SEMA3E: variants seen among roughly 807,000 people sequenced by gnomAD.
The protein encoded by SEMA3E is semaphorin 3E.
Under a neutral mutation model 93.6 loss-of-function variants are expected in SEMA3E, and 49 were observed. The observed-to-expected ratio is 0.52, with a 90% confidence interval of 0.42 to 0.66. The LOEUF (loss-of-function observed/expected upper bound fraction) is 0.66. Among genes scored for constraint, SEMA3E ranks in the 30% least tolerant of loss-of-function variants. SEMA3E has a pLI of 0.00. For synonymous variants in SEMA3E, 363 were observed against 330.7 expected, an observed-to-expected ratio of 1.10 and a Z score of -1.06; for missense variants, 906 against 964.8, an observed-to-expected ratio of 0.94 and a Z score of 0.81.
At chr7:83,546,003 T>C (rs1406152192) in intron 1 of SEMA3E, among the ~76,000 whole-genome samples, 1 of 146,914 alleles carries the variant, frequency 6.8e-6, no homozygotes, top group Non-Finnish European at 1.5e-5. Flanking sequence ...GGGCATATTA[T>C]ATAAAAATAT....
In SEMA3E at chr7:83,543,272, C is replaced by T. The variant is rs1054495275; in HGVS notation, c.116-52998G>A. On this transcript the variant is annotated intron_variant, in intron 1 of 16. Transcript: ENST00000643230. ...AAAGAAAATAAAAGCTCACAAACTT[C>T]AGTCTTAAGGCAGTTAATTGCCATG... Among the ~76,000 whole-genome samples the T allele has an allele frequency of 1.3e-5, 2 of 152,008 alleles. 1 individual carries two copies. The highest frequency in any genetic ancestry group is 1.3e-4 in the Admixed American group (2 of 15,238).
At chr7:83,448,105 T>C (rs1262570382) in intron 4 of SEMA3E, among the ~76,000 whole-genome samples, 1 of 152,162 alleles carries the variant, frequency 6.6e-6, no homozygotes, top group Non-Finnish European at 1.5e-5. Context: ...CCTGACAAAA[T>C]TCATCTTGCC....
chr7:83,508,407 C>T (rs934083321), intron 1 of SEMA3E, among the ~76,000 whole-genome samples: 10 of 151,972 alleles, frequency 6.6e-5, no homozygotes, highest in Admixed American at 1.3e-4. Context: ...GGATTACAGG[C>T]GTGCGCCACC....
chr7:83,510,065 A>C (rs1044441297), intron 1 of SEMA3E, among the ~76,000 whole-genome samples: 3 of 152,036 alleles, frequency 2.0e-5, no homozygotes, highest in African/African-American at 7.3e-5. Context: ...TTACATCAAC[A>C]TATTAATAAT....
intron 5 of SEMA3E, among the ~76,000 whole-genome samples, chr7:83,411,580 T>A (rs1031984011): frequency 2.0e-5 from 3 of 151,962 alleles, no homozygotes; most frequent in Non-Finnish European, 2.9e-5. Context: ...ATAATAATAT[T>A]AATAAAACCT....
rs750277965 is a variant in SEMA3E, at chr7:83,407,079, TGA to T, written c.813+16_813+17del. On this transcript the variant is annotated intron_variant, in intron 7 of 16. Coordinates refer to ENST00000643230, the MANE Select transcript of SEMA3E (RefSeq NM_012431.3). Reference sequence around the variant, plus strand: ...TAAATTGTGAGATAAGCAAGCATAATGAGAGAGAAAGCCTCACCACACAGAGT... The same window carrying T: ...TAAATTGTGAGATAAGCAAGCATAATGAGAGAAAGCCTCACCACACAGAGT... 8 of 1,612,924 alleles carry T rather than the reference TGA, an allele frequency of 5.0e-6. No homozygotes were observed. The African/African-American group carries it at 1.1e-4, about 22-fold the overall frequency.
chr7:83,447,157 C>T (rs982533266), intron 4 of SEMA3E, among the ~76,000 whole-genome samples: 3 of 152,130 alleles, frequency 2.0e-5, no homozygotes, highest in African/African-American at 7.2e-5. Flanking sequence ...AATGCTGAAT[C>T]TATATACTGA....
At chr7:83,418,135 A>G (rs1018673464) in intron 5 of SEMA3E, among the ~76,000 whole-genome samples, 1 of 152,160 alleles carries the variant, frequency 6.6e-6, no homozygotes, top group Non-Finnish European at 1.5e-5. Context: ...CATGACACCA[A>G]ATACATGAGA....
At chr7:83,590,481 C>T (rs909891789) in intron 1 of SEMA3E, among the ~76,000 whole-genome samples, 1 of 152,140 alleles carries the variant, frequency 6.6e-6, no homozygotes, top group African/African-American at 2.4e-5. Context: ...TGAGTGTTCA[C>T]GCTCACCATT....
chr7:83,402,855 T>G, intron 9 of SEMA3E, 79 bp from the exon 10 acceptor site: 1 of 1,400,838 alleles, frequency 7.1e-7, no homozygotes, highest in South Asian at 1.2e-5. Flanking sequence ...CCTACAAAGA[T>G]AAGAGTCAAG....
intron 1 of SEMA3E, among the ~76,000 whole-genome samples, chr7:83,550,425 A>G (rs1791741992): frequency 6.6e-6 from 1 of 152,078 alleles, no homozygotes; most frequent in Non-Finnish European, 1.5e-5. Context: ...TCATTTCAAC[A>G]TTTTATATGA....
At chr7:83,533,847 G>A (rs1411678257) in intron 1 of SEMA3E, among the ~76,000 whole-genome samples, 1 of 152,080 alleles carries the variant, frequency 6.6e-6, no homozygotes, top group African/African-American at 2.4e-5. Context: ...ACAGCTGACT[G>A]GGAAGGTCCT....
chr7:83,602,485 CT>C (rs34835756), intron 1 of SEMA3E, among the ~76,000 whole-genome samples: 46,884 of 147,668 alleles, frequency 0.32, 7,429 homozygotes, highest in South Asian at 0.35. Context: ...TTTAGAAGCA[CT>C]TTTTTTTTTT....
intron 1 of SEMA3E, among the ~76,000 whole-genome samples, chr7:83,563,767 T>A (rs1395237539): frequency 6.6e-6 from 1 of 152,164 alleles, no homozygotes. Flanking sequence ...TAAAAATGAT[T>A]CTCTCCTCTC....
intron 5 of SEMA3E, among the ~76,000 whole-genome samples, chr7:83,412,208 A>G (rs1455983083): frequency 7.2e-5 from 11 of 151,996 alleles, no homozygotes; most frequent in Admixed American, 7.2e-4. Flanking sequence ...TGTCTGGCCA[A>G]ACTTTTTTAG....
At chr7:83,542,517 T>C (rs1364207900) in intron 1 of SEMA3E, among the ~76,000 whole-genome samples, 2 of 152,172 alleles carry the variant, frequency 1.3e-5, no homozygotes, top group Non-Finnish European at 2.9e-5. Context: ...GACAATTTCA[T>C]TTTATTTCCT....
chr7:83,601,068 G>C (rs1254622272), intron 1 of SEMA3E, among the ~76,000 whole-genome samples: 1 of 152,148 alleles, frequency 6.6e-6, no homozygotes, highest in Non-Finnish European at 1.5e-5. Flanking sequence ...AAAGAGATGT[G>C]ATGACGAAAG....
chr7:83,450,439 C>A (rs190651501), intron 4 of SEMA3E, among the ~76,000 whole-genome samples: 1 of 151,938 alleles, frequency 6.6e-6, no homozygotes, highest in East Asian at 1.9e-4. Flanking sequence ...AACACATGAA[C>A]GAAAACTACA....
intron 16 of SEMA3E, chr7:83,371,580 TGA>T (rs2116897283): frequency 6.6e-6 from 1 of 152,314 alleles, no homozygotes; most frequent in African/African-American, 2.4e-5. Context: ...TTTATTCTTG[TGA>T]ATATTTAATG....
Sources: gnomAD v4.1 joint callset for allele counts (sites outside exome capture counted in the v4.1 genomes callset) on GRCh38, gnomAD v4.1.1 for gene constraint, MANE v1.5 for transcripts, NCBI Gene and HGNC (gene_info 2026-07-23, HGNC 2026-07-21) for gene names.